The following N4BP1 variants were observed in gnomAD, a reference collection of about 807,000 sequenced individuals.
N4BP1 encodes NEDD4-binding protein 1.
N4BP1 carries 21 observed loss-of-function variants against 70.9 expected under a neutral mutation model. The ratio of observed to expected loss-of-function variants is 0.30; its 90% confidence interval spans 0.21 to 0.43. The LOEUF is 0.43. Among genes scored for constraint, N4BP1 ranks in the 20% least tolerant of loss-of-function variants. The pLI is 1.00. For synonymous variants in N4BP1, 387 were observed against 394.6 expected (o/e 0.98, Z 0.23); for missense variants, 936 against 1,069.4 (o/e 0.88, Z 1.74).
chr16:48,610,175 C>T lies in N4BP1; in HGVS notation c.-203G>A, dbSNP rs992637067. ...AGCTTGGCAATTGCTGGCAGCGAAC[C>T]CCTCCGCCCCTTTGCCGCCGCCGCG... On this transcript the variant is annotated 5_prime_UTR_variant, in exon 1 of 7. Transcript: ENST00000262384. The T allele has an allele frequency of 2.5e-5, 4 of 162,454 alleles. No individual in the cohort carries two copies. Among genetic ancestry groups the T allele is most frequent in the African/African-American group, 4.8e-5 (2 of 41,578 alleles). 10.1% of individuals were successfully genotyped at this position (162,454 alleles called of 1,614,324 possible).
At chr16:48,546,623 G>T (rs192257318) in intron 5 of N4BP1, 417 of 163,808 alleles carry the variant, frequency 2.5e-3, no homozygotes, top group African/African-American at 9.4e-3. Context: ...TTTAATTTTT[G>T]AATAAAACTG....
intron 1 of N4BP1, among the ~76,000 whole-genome samples, chr16:48,581,953 T>C (rs1964180738): frequency 6.6e-6 from 1 of 151,820 alleles, no homozygotes; most frequent in Non-Finnish European, 1.5e-5. Flanking sequence ...AAAAATAGAC[T>C]AACAGAATTA....
At chr16:48,578,133 T>C (rs1490377687) in intron 1 of N4BP1, 9 of 172,998 alleles carry the variant, frequency 5.2e-5, no homozygotes, top group Non-Finnish European at 1.1e-4. Flanking sequence ...CTTAGACTCC[T>C]TGATGGGCAG....
chr16:48,601,250 G>A (rs967167889), intron 1 of N4BP1, among the ~76,000 whole-genome samples: 4 of 152,168 alleles, frequency 2.6e-5, no homozygotes, highest in African/African-American at 9.7e-5. Context: ...ATGGACTGTC[G>A]CTACACTCTG....
chr16:48,599,202 C>A (rs1406544807), intron 1 of N4BP1, among the ~76,000 whole-genome samples: 1 of 152,116 alleles, frequency 6.6e-6, no homozygotes, highest in Non-Finnish European at 1.5e-5. Context: ...TGCCCCCGCC[C>A]CTCATCCCCA....
intron 6 of N4BP1, among the ~76,000 whole-genome samples, chr16:48,543,981 T>C (rs945675471): frequency 2.6e-5 from 4 of 152,188 alleles, no homozygotes; most frequent in African/African-American, 7.2e-5. Flanking sequence ...CCGTGCCAGG[T>C]TGCTCAAGGA....
chr16:48,552,699 GAAAAAAAAAAAAA>G (rs71134556), intron 3 of N4BP1, among the ~76,000 whole-genome samples: 972 of 18,506 alleles, frequency 0.053, 32 homozygotes, highest in African/African-American at 0.11. Flanking sequence ...CTCCGTCTCA[GAAAAAAAAAAAAA>G]AAAAAAAAAA....
At chr16:48,603,211 T>C (rs1342469512) in intron 1 of N4BP1, among the ~76,000 whole-genome samples, 4 of 152,178 alleles carry the variant, frequency 2.6e-5, no homozygotes, top group Non-Finnish European at 2.9e-5. Flanking sequence ...TTAAACACCC[T>C]TTTTCTCACA....
rs1963871759 is a variant in N4BP1 at position 48,562,205 on chromosome 16, G to C, written c.438C>G (p.Asn146Lys). Residue 146 changes from asparagine (N) to lysine (K), a missense_variant, in exon 2 of 7, where the codon AAC becomes AAG. By Grantham distance (94) the Asn-to-Lys change is moderately conservative. Coordinates refer to ENST00000262384, the MANE Select transcript of N4BP1 (RefSeq NM_153029.4). Reference protein sequence around the residue: ...QFVKLFENKENLPSSQKESEV... With the variant: ...QFVKLFENKEKLPSSQKESEV... ...CTGATTCTTTCTGACTACTGGGTAG[G>C]TTCTCTTTATTTTCAAAGAGCTTTA... 6.2e-7 allele frequency: 1 copy of C among 1,613,784 alleles called. No individual in the cohort carries two copies. Among genetic ancestry groups the C allele is most frequent in the Admixed American group, 1.7e-5 (1 of 59,978 alleles).
chr16:48,562,211 T>C lies in N4BP1; in HGVS notation c.432A>G (p.Lys144=). 6.2e-7 allele frequency: 1 copy of C among 1,613,936 alleles called. No homozygotes were observed. Among genetic ancestry groups the C allele is most frequent in the South Asian group, 1.1e-5 (1 of 91,060 alleles). The change falls in exon 2 of 7, where the codon AAA becomes AAG. Residue 144 remains lysine, a synonymous_variant. Coordinates refer to ENST00000262384, the MANE Select transcript of N4BP1 (RefSeq NM_153029.4). ...CTTTCTGACTACTGGGTAGGTTCTC[T>C]TTATTTTCAAAGAGCTTTACAAATT... is the stretch of plus-strand genomic sequence containing the variant. ...IQQFVKLFEN[K]ENLPSSQKES... is the part of the protein sequence containing the mutation.
intron 1 of N4BP1, among the ~76,000 whole-genome samples, chr16:48,585,946 T>G (rs899945368): frequency 2.6e-5 from 4 of 152,132 alleles, no homozygotes; most frequent in African/African-American, 9.7e-5. Context: ...TCCGCCCGCC[T>G]CGGCCTCCCA....
intron 4 of N4BP1, among the ~76,000 whole-genome samples, chr16:48,551,100 A>C (rs1174385223): frequency 6.6e-6 from 1 of 152,216 alleles, no homozygotes; most frequent in Non-Finnish European, 1.5e-5. Context: ...AGCCTGCCAC[A>C]CTAAGACAAG....
At chr16:48,552,311 A>G (rs1195114553) in intron 3 of N4BP1, among the ~76,000 whole-genome samples, 1 of 152,238 alleles carries the variant, frequency 6.6e-6, no homozygotes. Flanking sequence ...AATGGGAAAA[A>G]GCAGCTAAAA....
chr16:48,586,384 C>G (rs1597107540), intron 1 of N4BP1, among the ~76,000 whole-genome samples: 1 of 152,340 alleles, frequency 6.6e-6, no homozygotes, highest in African/African-American at 2.4e-5. Context: ...CATTACTGCA[C>G]CCAGCAAAAC....
intron 2 of N4BP1, among the ~76,000 whole-genome samples, chr16:48,555,381 T>A (rs111569147): frequency 1.7e-3 from 265 of 152,344 alleles, no homozygotes; most frequent in Non-Finnish European, 3.2e-3. Context: ...TCACCCCACC[T>A]GCATGTGCGT....
chr16:48,603,914 T>C (rs1327973373), intron 1 of N4BP1, among the ~76,000 whole-genome samples: 1 of 152,202 alleles, frequency 6.6e-6, no homozygotes. Flanking sequence ...GGCTGACCTC[T>C]TCAGAAATAT....
intron 1 of N4BP1, among the ~76,000 whole-genome samples, chr16:48,588,334 G>A (rs75324199): frequency 2.8e-5 from 4 of 141,840 alleles, no homozygotes; most frequent in Non-Finnish European, 4.5e-5. Flanking sequence ...CATTCTTGTC[G>A]CCCAGGCTGG....
At chr16:48,605,494 A>C (rs1310303783) in intron 1 of N4BP1, among the ~76,000 whole-genome samples, 1 of 152,114 alleles carries the variant, frequency 6.6e-6, no homozygotes, top group African/African-American at 2.4e-5. Context: ...TTTGTCTCTG[A>C]AATTCAATCC....
Position 48,543,224 on chromosome 16 carries a change from C to T in N4BP1, c.2371G>A (p.Gly791Ser). 1 of 1,552,008 alleles carries T rather than the reference C, an allele frequency of 6.4e-7. No individual in the cohort carries two copies. The highest frequency in any genetic ancestry group is 8.7e-7 in the Non-Finnish European group (1 of 1,147,648). Residue 791 changes from glycine to serine, a missense_variant, in exon 7 of 7, where the codon GGC becomes AGC. Coordinates refer to ENST00000262384, the MANE Select transcript of N4BP1 (RefSeq NM_153029.4). Reference sequence around the variant, plus strand: ...ACTCTGAAGCTGGGGTCAAACATGCCCACATTTGGCAGGGCACTGAGTAGG... The same window carrying T: ...ACTCTGAAGCTGGGGTCAAACATGCTCACATTTGGCAGGGCACTGAGTAGG... ...QPLLSALPNV[G>S]MFDPSFRVPG...
Sources: allele counts gnomAD v4.1 joint callset (sites outside exome capture counted in the v4.1 genomes callset), GRCh38; gene constraint gnomAD v4.1.1; transcripts MANE v1.5; gene names NCBI Gene and HGNC (gene_info 2026-07-23, HGNC 2026-07-21).